The following SH3D19 variants were observed in gnomAD, a reference collection of about 807,000 sequenced individuals.
The protein encoded by SH3D19 is SH3 domain containing 19.
Under a neutral mutation model 112.1 loss-of-function variants are expected in SH3D19, and 58 were observed. That is an observed-to-expected ratio of 0.52 (90% CI 0.42 to 0.64). SH3D19 has a LOEUF of 0.64. Ranked by LOEUF, SH3D19 falls within the 30% of genes least tolerant of loss-of-function variation. The pLI is 0.00. For missense variants in SH3D19, 1,090 were observed against 1,263.4 expected (o/e 0.86, Z 2.08); for synonymous variants, 391 against 448.5 (o/e 0.87, Z 1.62).
chr4:151,205,752 C>T (rs1181983012), intron 2 of SH3D19, among the ~76,000 whole-genome samples: 1 of 152,014 alleles, frequency 6.6e-6, no homozygotes, highest in African/African-American at 2.4e-5. Context: ...ATCTAATTGA[C>T]CTACACTAAT....
chr4:151,180,915 C>A (rs7681571), intron 3 of SH3D19, among the ~76,000 whole-genome samples: 13,426 of 147,054 alleles, frequency 0.091, 898 homozygotes, highest in East Asian at 0.19. Flanking sequence ...AGGTGCCTGC[C>A]ACCATGCCCG....
At chr4:151,307,288 C>T (rs1290981161) in intron 1 of SH3D19, among the ~76,000 whole-genome samples, 1 of 152,190 alleles carries the variant, frequency 6.6e-6, no homozygotes, top group South Asian at 2.1e-4. Context: ...TCCCAAAGTG[C>T]TGGGATTACA....
At chr4:151,246,256 T>C (rs1016621948) in intron 1 of SH3D19, among the ~76,000 whole-genome samples, 25 of 152,210 alleles carry the variant, frequency 1.6e-4, no homozygotes, top group African/African-American at 6.0e-4. Context: ...TCTATTTCTC[T>C]GAGTTTCACG....
In SH3D19 at chr4:151,148,170, TTTTTCC is replaced by T; in HGVS notation, c.1828_1833del (p.Gly610_Lys611del). 1 of 1,603,820 alleles carries T rather than the reference TTTTTCC, an allele frequency of 6.2e-7. No individual in the cohort carries two copies. The highest frequency in any genetic ancestry group is 8.5e-7 in the Non-Finnish European group (1 of 1,176,888). On this transcript the variant is annotated inframe_deletion, in exon 11 of 20. Coordinates refer to ENST00000604030, the MANE Select transcript of SH3D19 (RefSeq NM_001378122.1). ...GTTGGAGGCTGTTGAGTTGGAATGG[TTTTTCC>T]ATTCACAGGTCTGAAAGTCAATGTA...
At chr4:151,280,858 A>G (rs552693697) in intron 1 of SH3D19, among the ~76,000 whole-genome samples, 66 of 152,202 alleles carry the variant, frequency 4.3e-4, no homozygotes, top group Non-Finnish European at 8.4e-4. Flanking sequence ...TGCTAAAAAA[A>G]ATTTATTTCC....
intron 1 of SH3D19, among the ~76,000 whole-genome samples, chr4:151,250,923 A>G (rs1163189823): frequency 1.3e-5 from 2 of 152,190 alleles, no homozygotes; most frequent in African/African-American, 2.4e-5. Flanking sequence ...CTGTTGGCCG[A>G]TGGATCCATT....
At chr4:151,201,465 T>A (rs1307923732) in intron 2 of SH3D19, among the ~76,000 whole-genome samples, 1 of 152,220 alleles carries the variant, frequency 6.6e-6, no homozygotes, top group Non-Finnish European at 1.5e-5. Flanking sequence ...TCCAGAAATT[T>A]TCCTAGGTGC....
chr4:151,169,332 C>T (rs1239727691), intron 7 of SH3D19, among the ~76,000 whole-genome samples: 3 of 152,192 alleles, frequency 2.0e-5, no homozygotes, highest in Non-Finnish European at 2.9e-5. Flanking sequence ...GCAAGGAAGT[C>T]TTCGTGTTCC....
At chr4:151,247,167 T>G (rs1001379879) in intron 1 of SH3D19, among the ~76,000 whole-genome samples, 1 of 152,246 alleles carries the variant, frequency 6.6e-6, no homozygotes, top group Non-Finnish European at 1.5e-5. Flanking sequence ...GATTTTTGTT[T>G]CAATATTCAC....
intron 12 of SH3D19, 79 bp downstream of exon 12, chr4:151,143,831 A>C: frequency 6.9e-7 from 1 of 1,450,524 alleles, no homozygotes; most frequent in Non-Finnish European, 9.3e-7. Context: ...TAAAAACCTG[A>C]AGATGAGATA....
chr4:151,214,545 C>T (rs1168403860), intron 2 of SH3D19, among the ~76,000 whole-genome samples: 1 of 136,576 alleles, frequency 7.3e-6, no homozygotes, highest in Non-Finnish European at 1.6e-5. Flanking sequence ...CGGGCAGAGG[C>T]GCCCCTCACC....
At chr4:151,202,101 C>T (rs899038146) in intron 2 of SH3D19, among the ~76,000 whole-genome samples, 8 of 151,718 alleles carry the variant, frequency 5.3e-5, no homozygotes, top group Admixed American at 2.6e-4. Flanking sequence ...TTTAGGAGGC[C>T]GAGGCAGGTG....
At chr4:151,321,720 T>C (rs774470564) in intron 1 of SH3D19, among the ~76,000 whole-genome samples, 1 of 152,200 alleles carries the variant, frequency 6.6e-6, no homozygotes, top group Admixed American at 6.5e-5. Flanking sequence ...CATCATCCTT[T>C]TGAACCAGCA....
intron 4 of SH3D19, 119 bp downstream of exon 4, chr4:151,179,236 G>T: frequency 2.0e-6 from 1 of 501,262 alleles, no homozygotes; most frequent in Non-Finnish European, 3.1e-6. Context: ...ATATATTGAT[G>T]AAGCAGAATA....
chr4:151,168,130 A>G (rs1243653254), intron 7 of SH3D19, among the ~76,000 whole-genome samples: 2 of 152,160 alleles, frequency 1.3e-5, no homozygotes, highest in African/African-American at 4.8e-5. Context: ...AGATCGAGAC[A>G]AGAAACAATA....
At chr4:151,127,096 A>G (rs969565731) in intron 19 of SH3D19, among the ~76,000 whole-genome samples, 5 of 151,918 alleles carry the variant, frequency 3.3e-5, no homozygotes, top group Non-Finnish European at 7.4e-5. Context: ...ATTTTTTAGT[A>G]GAGACGGGGT....
At chr4:151,219,346 C>G (rs1659166404) in intron 2 of SH3D19, among the ~76,000 whole-genome samples, 1 of 152,088 alleles carries the variant, frequency 6.6e-6, no homozygotes, top group Non-Finnish European at 1.5e-5. Context: ...ATCCACTGAC[C>G]CCCACGCCCT....
chr4:151,290,977 AG>A (rs1775273393), intron 1 of SH3D19: 2 of 590,818 alleles, frequency 3.4e-6, no homozygotes, highest in Admixed American at 3.1e-5. Flanking sequence ...TCCCTAAAGC[AG>A]TGATTAGTCC....
intron 1 of SH3D19, among the ~76,000 whole-genome samples, chr4:151,320,131 A>G (rs1730391976): frequency 6.6e-6 from 1 of 152,338 alleles, no homozygotes. Flanking sequence ...CATACTGATG[A>G]TATTAAAGTT....
Sources: gnomAD v4.1 joint callset for allele counts (sites outside exome capture counted in the v4.1 genomes callset) on GRCh38, gnomAD v4.1.1 for gene constraint, MANE v1.5 for transcripts, NCBI Gene and HGNC (gene_info 2026-07-23, HGNC 2026-07-21) for gene names.